Variants in UBA3 observed in about 807,000 individuals in gnomAD.
UBA3 encodes NEDD8-activating enzyme E1 catalytic subunit.
Under a neutral mutation model 73.5 loss-of-function variants are expected in UBA3, and 26 were observed. That is an observed-to-expected ratio of 0.35 (90% CI 0.26 to 0.49). The LOEUF (loss-of-function observed/expected upper bound fraction) is 0.49, where lower values mean the gene tolerates loss of function less well. Among genes scored for constraint, UBA3 ranks in the 20% least tolerant of loss-of-function variants. UBA3 has a pLI of 0.98. For synonymous variants in UBA3, 217 were observed against 191.2 expected (o/e 1.13, Z -1.11); for missense variants, 495 against 555.6 (o/e 0.89, Z 1.10).
At chr3:69,076,008 A>T (rs1044970550) in intron 3 of UBA3, among the ~76,000 whole-genome samples, 1 of 152,166 alleles carries the variant, frequency 6.6e-6, no homozygotes, top group Non-Finnish European at 1.5e-5. Flanking sequence ...CTTGGATTAC[A>T]GGCATGAGGT....
At chr3:69,076,744 TTTC>T (rs945036560) in intron 3 of UBA3, among the ~76,000 whole-genome samples, 7 of 151,764 alleles carry the variant, frequency 4.6e-5, no homozygotes, top group African/African-American at 1.5e-4. Flanking sequence ...CTAATTTTTT[TTTC>T]TTTTCTTTTT....
chr3:69,079,943 G>C (rs1056668436), intron 2 of UBA3, 169 bp downstream of exon 2: 19 of 594,676 alleles, frequency 3.2e-5, no homozygotes, highest in Non-Finnish European at 5.1e-5. Context: ...GGAGCGGCCC[G>C]CCAGGCCCCC....
chr3:69,064,128 G>T lies in UBA3; in HGVS notation c.429-17C>A. 6.3e-7 allele frequency: 1 copy of T among 1,587,536 alleles called. No individual in the cohort carries two copies. Among genetic ancestry groups the T allele is most frequent in the Non-Finnish European group, 8.6e-7 (1 of 1,168,928 alleles). On this transcript the variant is annotated splice_polypyrimidine_tract_variant and intron_variant, in intron 6 of 17. Transcript: ENST00000361055. ...TTGAAATGTCTGAATACAAGTAAAGGAACTTAAGCAGCTAAGTTTTAATTT... is the reference window on the plus strand; with the variant it reads ...TTGAAATGTCTGAATACAAGTAAAGTAACTTAAGCAGCTAAGTTTTAATTT...
intron 6 of UBA3, among the ~76,000 whole-genome samples, chr3:69,065,378 T>C (rs1367743969): frequency 5.9e-5 from 9 of 152,218 alleles, no homozygotes; most frequent in African/African-American, 2.2e-4. Flanking sequence ...AGTTACATCT[T>C]ACTATAGTAC....
At chr3:69,064,948 T>G (rs1174802174) in intron 6 of UBA3, among the ~76,000 whole-genome samples, 10 of 152,192 alleles carry the variant, frequency 6.6e-5, no homozygotes, top group Admixed American at 6.6e-4. Flanking sequence ...GGACAATACA[T>G]GCTTCCTCTA....
intron 3 of UBA3, chr3:69,076,472 G>T (rs2092167722): frequency 6.6e-6 from 1 of 152,208 alleles, no homozygotes; most frequent in Non-Finnish European, 1.5e-5. Context: ...GGAGGCAGAG[G>T]TTACCATGAG....
At chr3:69,079,183 C>G (rs1189467626) in intron 2 of UBA3, among the ~76,000 whole-genome samples, 1 of 152,192 alleles carries the variant, frequency 6.6e-6, no homozygotes, top group Non-Finnish European at 1.5e-5. Context: ...CCGTTCATAG[C>G]TACTTCTTTC....
At chr3:69,062,870 T>C in intron 9 of UBA3, 112 bp downstream of exon 9, 1 of 1,340,908 alleles carries the variant, frequency 7.5e-7, no homozygotes, top group Non-Finnish European at 1.0e-6. Flanking sequence ...GTGTAATTTT[T>C]AAAATACGGC....
At position 69,077,804 on chromosome 3, in the gene UBA3, G is replaced by A; in HGVS notation, c.177C>T (p.Ser59=). 5 of 1,612,688 alleles carry A rather than the reference G, an allele frequency of 3.1e-6. No individual in the cohort carries two copies. The highest frequency in any genetic ancestry group is 4.2e-6 in the Non-Finnish European group (5 of 1,179,268). The change falls in exon 3 of 18, where the codon AGC becomes AGT. Residue 59 remains serine (S), a synonymous_variant. Transcript: ENST00000361055. The part of the protein sequence containing the change: ...GPFTHPDFEP[S]TESLQFLLDT... Reference sequence around the variant, plus strand: ...AAAAATAAACGTTTCTCACTTCAGTGCTCGGTTCGAAATCAGGGTGTGTGA... The same window carrying A: ...AAAAATAAACGTTTCTCACTTCAGTACTCGGTTCGAAATCAGGGTGTGTGA...
rs536698017 is a variant in UBA3, at chr3:69,071,709, T to C, written c.265-92A>G. 3 of 730,002 alleles carry C rather than the reference T, an allele frequency of 4.1e-6. No individual in the cohort carries two copies. In the East Asian group the frequency reaches 9.2e-5, roughly 22 times the overall value. 45.2% of individuals were successfully genotyped at this position (730,002 alleles called of 1,614,324 possible). On this transcript the variant is annotated intron_variant, in intron 4 of 17. Coordinates refer to ENST00000361055, the MANE Select transcript of UBA3 (RefSeq NM_003968.4). ...TCAATGTAGTCTTAAGTCTACAAATTCTCAGTAATAAATTCTGTGTAATTT... is the reference window on the plus strand; with the variant it reads ...TCAATGTAGTCTTAAGTCTACAAATCCTCAGTAATAAATTCTGTGTAATTT...
Position 69,061,821 on chromosome 3 carries a change from G to T in UBA3, c.903C>A (p.Leu301=). 1.3e-6 allele frequency: 2 copies of T among 1,587,174 alleles called. No individual in the cohort carries two copies. The highest frequency in any genetic ancestry group is 1.7e-6 in the Non-Finnish European group (2 of 1,168,398). Residue 301 remains leucine, a synonymous_variant, in exon 11 of 18, where the codon CTC becomes CTA. Coordinates refer to ENST00000361055, the MANE Select transcript of UBA3 (RefSeq NM_003968.4). The stretch of plus-strand genomic sequence containing the variant: ...GACAATTTGCTGACTTACCTTGAGT[G>T]AGCCTATACGTAACACCCCTAATAT... ...QYNIRGVTYR[L]TQGVVKRIIP... is the part of the protein sequence containing the mutation.
chr3:69,071,988 G>A (rs983821325), intron 4 of UBA3, among the ~76,000 whole-genome samples: 7 of 151,992 alleles, frequency 4.6e-5, no homozygotes, highest in Admixed American at 3.9e-4. Context: ...ATTGTTAAAA[G>A]CAATTCTACA....
intron 2 of UBA3, 116 bp downstream of exon 2, chr3:69,079,996 G>A: frequency 1.0e-6 from 1 of 968,202 alleles, no homozygotes; most frequent in South Asian, 1.6e-5. Flanking sequence ...AGCGCGGCCT[G>A]CGCTCCGGGT....
chr3:69,063,521 A>G lies in UBA3; in HGVS notation c.473-18T>C. 1.3e-6 allele frequency: 2 copies of G among 1,509,534 alleles called. No homozygotes were observed. Among genetic ancestry groups the G allele is most frequent in the Non-Finnish European group, 1.8e-6 (2 of 1,118,956 alleles). 93.5% of individuals were successfully genotyped at this position (1,509,534 alleles called of 1,614,324 possible). On this transcript the variant is annotated intron_variant, in intron 7 of 17. Transcript: ENST00000361055. ...ATGAAATTCTACAAAAAAAAAAAAAAGCAACTTTAGTTTTTAAATATGTAG... is the reference window on the plus strand; with the variant it reads ...ATGAAATTCTACAAAAAAAAAAAAAGGCAACTTTAGTTTTTAAATATGTAG...
rs1575827515 is a variant in UBA3 at position 69,056,189 on chromosome 3, G to A, written c.1178C>T (p.Ala393Val). The change falls in exon 15 of 18, where the codon GCT becomes GTT. Residue 393 changes from alanine to valine, a missense_variant. Ala to Val is a moderately conservative substitution (Grantham distance 64). Coordinates refer to ENST00000361055, the MANE Select transcript of UBA3 (RefSeq NM_003968.4). ...QEVLDYLTNSASLQMKSPAIT... is the reference protein window; with the variant it reads ...QEVLDYLTNSVSLQMKSPAIT... ...AAAAATCTACAATACTTACAGAGAAGCACTATTGGTTAGATAATCCAAAAC... is the reference window on the plus strand; with the variant it reads ...AAAAATCTACAATACTTACAGAGAAACACTATTGGTTAGATAATCCAAAAC... The A allele has an allele frequency of 6.3e-7, 1 of 1,582,754 alleles. No individual in the cohort carries two copies. Among genetic ancestry groups the A allele is most frequent in the Non-Finnish European group, 8.5e-7 (1 of 1,170,250 alleles).
At position 69,055,933 on chromosome 3, in the gene UBA3, G is replaced by C. The variant is rs201478063; in HGVS notation, c.1249-28C>G. ...AGAAAACAAAATTACTTTAATGTAA[G>C]ACACATTAAAGTAAAATAAAACTTG... is the stretch of plus-strand genomic sequence containing the variant. On this transcript the variant is annotated intron_variant, in intron 16 of 17. Transcript: ENST00000361055. 1.3e-6 allele frequency: 2 copies of C among 1,599,248 alleles called. No individual in the cohort carries two copies. The highest frequency in any genetic ancestry group is 1.7e-5 in the Admixed American group (1 of 58,632).
At chr3:69,071,738 T>G (rs975209573) in intron 4 of UBA3, 121 bp from the exon 5 acceptor site, 3 of 593,898 alleles carry the variant, frequency 5.1e-6, no homozygotes, top group Non-Finnish European at 8.5e-6. Flanking sequence ...GTAATTTGTA[T>G]TCAATGGCTG....
Position 69,067,997 on chromosome 3 carries a change from A to G in UBA3, c.359T>C (p.Ile120Thr), listed in dbSNP as rs373464145. 8.8e-6 allele frequency: 14 copies of G among 1,598,940 alleles called. No homozygotes were observed. Among genetic ancestry groups the G allele is most frequent in the Non-Finnish European group, 1.2e-5 (14 of 1,171,286 alleles). Residue 120 changes from isoleucine to threonine, a missense_variant, in exon 6 of 18, where the codon ATT becomes ACT. Transcript: ENST00000361055. ...NRQFLFRPKD[I>T]GRPKAEVAAE... ...AGCAACTTCAGCCTTAGGTCTTCCA[A>G]TATCTTTAGGCCTACAGGAAAAATA...
intron 2 of UBA3, 29 bp from the exon 3 acceptor site, chr3:69,077,947 A>G: frequency 1.2e-6 from 2 of 1,610,198 alleles, no homozygotes; most frequent in Non-Finnish European, 1.7e-6. Flanking sequence ...ATTCAGCTGC[A>G]AAGATCAGTA....
Sources: allele counts gnomAD v4.1 joint callset (sites outside exome capture counted in the v4.1 genomes callset), GRCh38; gene constraint gnomAD v4.1.1; transcripts MANE v1.5; gene names NCBI Gene and HGNC (gene_info 2026-07-23, HGNC 2026-07-21).